ATP11A: variants seen among roughly 807,000 people sequenced by gnomAD.
ATP11A encodes the protein ATPase phospholipid transporting 11A, also known as phospholipid-transporting ATPase IH.
A neutral mutation model predicts 154.4 loss-of-function variants in ATP11A; 81 were observed. That is an observed-to-expected ratio of 0.52 (90% CI 0.44 to 0.63). ATP11A has a LOEUF of 0.63. Among genes scored for constraint, ATP11A ranks in the 30% least tolerant of loss-of-function variants. The pLI is 0.00. For synonymous variants in ATP11A, 623 were observed against 585.9 expected, an observed-to-expected ratio of 1.06 and a Z score of -0.91; for missense variants, 1,316 against 1,474.3, an observed-to-expected ratio of 0.89 and a Z score of 1.76.
chr13:112,861,261 C>T (rs1006879), intron 24 of ATP11A, among the ~76,000 whole-genome samples: 81,710 of 152,056 alleles, frequency 0.54, 22,297 homozygotes, highest in Admixed American at 0.65. Context: ...CAATTCAAGA[C>T]GAGATTTGGG....
intron 2 of ATP11A, among the ~76,000 whole-genome samples, chr13:112,789,510 C>A (rs1014688676): frequency 1.5e-5 from 2 of 131,090 alleles, no homozygotes; most frequent in Non-Finnish European, 3.2e-5. Context: ...TAGACCCTTG[C>A]GGAGACCTAC....
intron 1 of ATP11A, among the ~76,000 whole-genome samples, chr13:112,773,657 T>C (rs2077278176): frequency 6.6e-6 from 1 of 152,202 alleles, no homozygotes; most frequent in South Asian, 2.1e-4. Context: ...TGTGCTCTTT[T>C]GGGTAACTGG....
Position 112,859,512 on chromosome 13 carries a change from G to T in ATP11A, c.2727+60G>T, listed in dbSNP as rs976709502. ...AGCCTTCTTTTCCTTCCCGCAGTGG[G>T]TGGCTGCTGTGGGGAGGGGAGACTT... On this transcript the variant is annotated intron_variant, in intron 23 of 29. Transcript: ENST00000375645. The surrounding 1 kb of genome is among the most constrained non-coding windows in gnomAD (Gnocchi z 4.3). 1.4e-6 allele frequency: 2 copies of T among 1,403,406 alleles called. No homozygotes were observed. Among genetic ancestry groups the T allele is most frequent in the East Asian group, 2.3e-5 (1 of 43,764 alleles). 86.9% of individuals were successfully genotyped at this position (1,403,406 alleles called of 1,614,324 possible). A position where few individuals can be genotyped will look rare whatever the true frequency, so the allele number is the denominator to read the frequency against.
In ATP11A at chr13:112,836,199, G is replaced by T. The variant is rs763703514; in HGVS notation, c.1653G>T (p.Leu551Phe). Residue 551 changes from leucine (L) to phenylalanine (F), a missense_variant, in exon 16 of 30, where the codon TTG (leucine) becomes TTT (phenylalanine). Physicochemically the swap from Leu to Phe is conservative, Grantham distance 22. Transcript: ENST00000375645. ...HIERFELLEI[L>F]SFDSVRRRMS... ...TCAGGTTTGAATTGCTGGAAATTTT[G>T]AGTTTTGACTCAGTCAGAAGGAGAA... is the stretch of plus-strand genomic sequence containing the variant. 6.2e-7 allele frequency: 1 copy of T among 1,612,906 alleles called. No individual in the cohort carries two copies. The highest frequency in any genetic ancestry group is 8.5e-7 in the Non-Finnish European group (1 of 1,179,220).
At chr13:112,824,550 C>A in intron 10 of ATP11A, 125 bp downstream of exon 10, 1 of 787,436 alleles carries the variant, frequency 1.3e-6, no homozygotes, top group South Asian at 1.6e-5. Flanking sequence ...TTAGTAACTG[C>A]AGAGCTGACC....
chr13:112,724,695 C>G (rs983713878), intron 1 of ATP11A, among the ~76,000 whole-genome samples: 2 of 152,104 alleles, frequency 1.3e-5, no homozygotes, highest in Admixed American at 1.3e-4. Context: ...GCCGGCCCCC[C>G]CCCAGGAAGC....
intron 25 of ATP11A, among the ~76,000 whole-genome samples, chr13:112,869,734 T>G (rs958584243): frequency 9.9e-5 from 15 of 152,190 alleles, no homozygotes; most frequent in Non-Finnish European, 2.1e-4. Context: ...AGCATCAGCT[T>G]CCAGTTACAG....
At chr13:112,719,333 T>C (rs1396283800) in intron 1 of ATP11A, among the ~76,000 whole-genome samples, 1 of 152,254 alleles carries the variant, frequency 6.6e-6, no homozygotes. Flanking sequence ...TGCATGCCTT[T>C]GTTATATTCT....
At chr13:112,783,691 C>G (rs986679644) in intron 1 of ATP11A, among the ~76,000 whole-genome samples, 3 of 152,230 alleles carry the variant, frequency 2.0e-5, no homozygotes, top group African/African-American at 7.2e-5. Flanking sequence ...GGGACGAGAG[C>G]CACACGCTAA....
chr13:112,787,563 G>A lies in ATP11A; in HGVS notation c.162+2306G>A, dbSNP rs1396929733. Among the ~76,000 whole-genome samples, 8 of 84,840 alleles carry A rather than the reference G, an allele frequency of 9.4e-5. 1 individual carries two copies. In the East Asian group the frequency reaches 2.5e-3, roughly 26 times the overall value. The allele number at this position is 84,840 out of a possible 152,430, so 55.7% of individuals were successfully genotyped here. ...CGGGTGTCCTGATGTGTAGACCCCT[G>A]TGGAGACCTACTTAATTGACACCGG... On this transcript the variant is annotated intron_variant, in intron 2 of 29. Transcript: ENST00000375645.
At chr13:112,748,648 G>C (rs568955922) in intron 1 of ATP11A, among the ~76,000 whole-genome samples, 3 of 152,310 alleles carry the variant, frequency 2.0e-5, no homozygotes, top group East Asian at 3.9e-4. Context: ...TTACAAGCGT[G>C]AGCCACCACG....
In ATP11A at chr13:112,816,121, T is replaced by C. The variant is rs1486633921; in HGVS notation, c.480T>C (p.Phe160=). 5.6e-6 allele frequency: 9 copies of C among 1,614,100 alleles called. No homozygotes were observed. The highest frequency in any genetic ancestry group is 6.8e-6 in the Non-Finnish European group (8 of 1,180,048). Residue 160 remains phenylalanine (F), a synonymous_variant, in exon 6 of 30, where the codon TTT becomes TTC. Transcript: ENST00000375645. ...TCATGGTTAAGGAGGACGAGACCTT[T>C]CCCTGCGACTTGATCTTCCTTTCCA... ...DIVMVKEDET[F]PCDLIFLSSN...
At chr13:112,779,507 G>A (rs2077447098) in intron 1 of ATP11A, among the ~76,000 whole-genome samples, 3 of 152,196 alleles carry the variant, frequency 2.0e-5, no homozygotes. Context: ...ATTAATTATT[G>A]TTTAAAAGTA....
At chr13:112,847,683 G>A (rs1356795559) in intron 17 of ATP11A, among the ~76,000 whole-genome samples, 2 of 152,236 alleles carry the variant, frequency 1.3e-5, no homozygotes, top group African/African-American at 2.4e-5. Flanking sequence ...TTGAAACCAG[G>A]ATATGTGAGT....
chr13:112,707,499 G>A (rs1489518486), intron 1 of ATP11A, among the ~76,000 whole-genome samples: 4 of 151,918 alleles, frequency 2.6e-5, no homozygotes, highest in Admixed American at 1.3e-4. Context: ...CCAGCCTTTG[G>A]AAGTTGACAA....
chr13:112,870,829 C>A (rs561496815), intron 25 of ATP11A, among the ~76,000 whole-genome samples: 125 of 152,316 alleles, frequency 8.2e-4, no homozygotes, highest in African/African-American at 2.8e-3. Context: ...TTCCCCAAGG[C>A]GGGGGGTGGT....
At chr13:112,860,459 T>C in intron 24 of ATP11A, 45 bp downstream of exon 24, 1 of 1,607,950 alleles carries the variant, frequency 6.2e-7, no homozygotes. Flanking sequence ...AGAGAGTAAC[T>C]AGGCAGCACT....
intron 8 of ATP11A, 130 bp from the exon 9 acceptor site, chr13:112,823,215 C>G: frequency 1.4e-6 from 1 of 716,504 alleles, no homozygotes; most frequent in Non-Finnish European, 2.5e-6. Flanking sequence ...AAGCAAACCT[C>G]CGTGTATGCC....
At chr13:112,804,599 C>G (rs970917605) in intron 2 of ATP11A, among the ~76,000 whole-genome samples, 42 of 149,812 alleles carry the variant, frequency 2.8e-4, no homozygotes, top group African/African-American at 8.7e-4. Flanking sequence ...CTGTCATGCT[C>G]TCACTCAGAG....
Sources: allele counts gnomAD v4.1 joint callset (sites outside exome capture counted in the v4.1 genomes callset), GRCh38; gene constraint gnomAD v4.1.1; non-coding constraint Gnocchi (gnomAD v3.1); transcripts MANE v1.5; gene names NCBI Gene and HGNC (gene_info 2026-07-23, HGNC 2026-07-21).